DTNA: variants seen among roughly 807,000 people sequenced by gnomAD.
DTNA encodes the protein dystrophin-related protein 3.
Under a neutral mutation model 100.7 loss-of-function variants are expected in DTNA, and 43 were observed. The observed-to-expected ratio is 0.43, with a 90% CI of 0.33 to 0.55. DTNA has a LOEUF of 0.55. Ranked by LOEUF, DTNA falls within the 20% of genes least tolerant of loss-of-function variation. The pLI is 0.04. For synonymous variants in DTNA, 349 were observed against 347.9 expected (o/e 1.00, Z -0.04); for missense variants, 798 against 953.9 (o/e 0.84, Z 2.15).
intron 2 of DTNA, among the ~76,000 whole-genome samples, chr18:34,762,654 T>C (rs1025682881): frequency 6.6e-6 from 1 of 152,218 alleles, no homozygotes; most frequent in African/African-American, 2.4e-5. Flanking sequence ...CAGCTTCTTC[T>C]GGTCCCTTTC....
intron 1 of DTNA, among the ~76,000 whole-genome samples, chr18:34,633,371 A>T (rs73414404): frequency 0.018 from 2,670 of 152,288 alleles, 82 homozygotes; most frequent in African/African-American, 0.061. Flanking sequence ...AAGAAACTTT[A>T]AAAAATTTTT....
At chr18:34,667,669 C>T (rs982829042) in intron 1 of DTNA, among the ~76,000 whole-genome samples, 11 of 152,114 alleles carry the variant, frequency 7.2e-5, no homozygotes, top group African/African-American at 1.9e-4. Context: ...TTTTCTGCAT[C>T]TATTTAGATA....
chr18:34,866,759 C>G, intron 17 of DTNA: 1 of 990,128 alleles, frequency 1.0e-6, no homozygotes, highest in African/African-American at 1.7e-5. Flanking sequence ...TTGGCTCTTC[C>G]CCAAAGCAGA....
intron 1 of DTNA, among the ~76,000 whole-genome samples, chr18:34,585,704 G>T (rs548679145): frequency 4.6e-5 from 7 of 152,088 alleles, no homozygotes; most frequent in South Asian, 4.2e-4. Flanking sequence ...GAGGCCAAAA[G>T]GTAATATCAA....
At chr18:34,498,966 A>G (rs1305770534) in intron 1 of DTNA, among the ~76,000 whole-genome samples, 4 of 152,206 alleles carry the variant, frequency 2.6e-5, no homozygotes, top group Admixed American at 6.5e-5. Context: ...GGAGTAATAC[A>G]GAGATCCCAT....
At position 34,866,168 on chromosome 18, in the gene DTNA, G is replaced by A. The variant is rs201502860; in HGVS notation, c.1743+2106G>A. Reference sequence around the variant, plus strand: ...CCCCTACTGCAGGTCTTAACTAACAGTGGAGGGGCCTGCCGACCTGCGGTT... The same window carrying A: ...CCCCTACTGCAGGTCTTAACTAACAATGGAGGGGCCTGCCGACCTGCGGTT... On this transcript the variant is annotated intron_variant, in intron 17 of 22. Coordinates refer to ENST00000444659, the MANE Select transcript of DTNA (RefSeq NM_001386795.1). 1.0e-4 allele frequency: 169 copies of A among 1,614,216 alleles called. No individual in the cohort carries two copies. The Middle Eastern group carries it at 2.5e-3, about 24-fold the overall frequency.
Position 34,793,498 on chromosome 18 carries a change from CT to C in DTNA, c.149-530del, listed in dbSNP as rs887183462. Among the ~76,000 whole-genome samples, 88 of 151,752 alleles carry C rather than the reference CT, an allele frequency of 5.8e-4. 1 individual carries two copies. In the East Asian group the frequency reaches 0.014, roughly 23 times the overall value. ...TTGTCTTCCTGCCTACCTTAACTTT[CT>C]TTTTTTTTCTTGTTTCCAACAGCAT... On this transcript the variant is annotated intron_variant, in intron 3 of 22. Coordinates refer to ENST00000444659, the MANE Select transcript of DTNA (RefSeq NM_001386795.1).
At chr18:34,581,199 G>C (rs2048582403) in intron 1 of DTNA, among the ~76,000 whole-genome samples, 2 of 152,154 alleles carry the variant, frequency 1.3e-5, no homozygotes, top group East Asian at 3.9e-4. Context: ...AGTGAGCTGA[G>C]ATCGCACCAC....
At chr18:34,529,706 T>C (rs1390728461) in intron 1 of DTNA, among the ~76,000 whole-genome samples, 4 of 152,098 alleles carry the variant, frequency 2.6e-5, no homozygotes, top group Non-Finnish European at 4.4e-5. Context: ...ATTTTTATAG[T>C]TTTTTAATGT....
intron 1 of DTNA, among the ~76,000 whole-genome samples, chr18:34,610,560 A>C (rs1295686960): frequency 6.6e-6 from 1 of 152,222 alleles, no homozygotes; most frequent in East Asian, 1.9e-4. Flanking sequence ...CATTTAAAAA[A>C]TGTATAGATC....
At chr18:34,579,696 A>G (rs1167050788) in intron 1 of DTNA, among the ~76,000 whole-genome samples, 1 of 152,192 alleles carries the variant, frequency 6.6e-6, no homozygotes, top group Non-Finnish European at 1.5e-5. Context: ...GGCTGCTTTT[A>G]AGATTTACCC....
intron 1 of DTNA, among the ~76,000 whole-genome samples, chr18:34,712,296 T>TA: frequency 6.6e-6 from 1 of 152,014 alleles, no homozygotes; most frequent in East Asian, 1.9e-4. Context: ...GAGAAGAGAG[T>TA]AGTATGGATG....
intron 1 of DTNA, among the ~76,000 whole-genome samples, chr18:34,614,721 CAA>C (rs1385128808): frequency 1.3e-5 from 2 of 152,182 alleles, no homozygotes; most frequent in African/African-American, 4.8e-5. Flanking sequence ...AACTTGAAAA[CAA>C]GAGGAGCTGG....
intron 3 of DTNA, among the ~76,000 whole-genome samples, chr18:34,767,154 G>A (rs187456279): frequency 3.9e-5 from 6 of 152,162 alleles, no homozygotes; most frequent in African/African-American, 4.8e-5. Flanking sequence ...AATGAAAACC[G>A]TAATGTTCTC....
Position 34,813,114 on chromosome 18 carries a change from T to C in DTNA, c.603+1001T>C, listed in dbSNP as rs192431775. On this transcript the variant is annotated intron_variant, in intron 6 of 22. Coordinates refer to ENST00000444659, the MANE Select transcript of DTNA (RefSeq NM_001386795.1). ...TCTCCAGCGTAGCCCAGTGGTAGCA[T>C]AGAAATCCATACATTAAAGGTTAGT... Among the ~76,000 whole-genome samples, 224 of 152,274 alleles carry C rather than the reference T, an allele frequency of 1.5e-3. 2 individuals are homozygous for C. The highest frequency in any genetic ancestry group is 4.8e-3 in the African/African-American group (198 of 41,554).
chr18:34,834,084 C>T (rs2096076856), intron 11 of DTNA, among the ~76,000 whole-genome samples: 1 of 152,066 alleles, frequency 6.6e-6, no homozygotes, highest in Non-Finnish European at 1.5e-5. Flanking sequence ...TAAATTAGTC[C>T]ATAAAATATT....
intron 1 of DTNA, among the ~76,000 whole-genome samples, chr18:34,610,284 G>C (rs1336476379): frequency 3.3e-5 from 5 of 152,156 alleles, no homozygotes; most frequent in Admixed American, 2.0e-4. Flanking sequence ...ACTGGGATAA[G>C]TCAAACCAAC....
intron 1 of DTNA, among the ~76,000 whole-genome samples, chr18:34,651,785 C>T (rs751412390): frequency 2.0e-5 from 3 of 152,184 alleles, no homozygotes; most frequent in East Asian, 3.9e-4. Flanking sequence ...AGACCTGGGC[C>T]GAGCATGGTG....
chr18:34,674,215 C>A (rs993819943), intron 1 of DTNA, among the ~76,000 whole-genome samples: 3 of 152,214 alleles, frequency 2.0e-5, no homozygotes, highest in Admixed American at 2.0e-4. Context: ...GCCTGCCTGA[C>A]TGTGTGATCT....
Sources: allele counts gnomAD v4.1 joint callset (sites outside exome capture counted in the v4.1 genomes callset), GRCh38; gene constraint gnomAD v4.1.1; transcripts MANE v1.5; gene names NCBI Gene and HGNC (gene_info 2026-07-23, HGNC 2026-07-21).